Variants in ZPLD1 observed in about 807,000 individuals in gnomAD.
The protein encoded by ZPLD1 is zona pellucida like domain containing 1.
In ZPLD1, 34 loss-of-function variants were observed where a neutral mutation model predicts 47.2. The observed-to-expected ratio is 0.72, with a 90% CI of 0.55 to 0.96. The LOEUF (loss-of-function observed/expected upper bound fraction) is 0.96, where lower values mean the gene tolerates loss of function less well. Ranked by LOEUF, ZPLD1 falls within the 40% of genes least tolerant of loss-of-function variation. The probability of loss-of-function intolerance (pLI) is 0.00; values close to 1 mark genes in which losing one functional copy is unlikely to be tolerated. For synonymous variants in ZPLD1, 176 were observed against 186.2 expected (o/e 0.95, Z 0.45); for missense variants, 512 against 505.8 (o/e 1.01, Z -0.12).
At chr3:102,470,316 G>T (rs751924861) in intron 9 of ZPLD1, 78 bp from the exon 10 acceptor site, 68 of 1,082,180 alleles carry the variant, frequency 6.3e-5, no homozygotes, top group Non-Finnish European at 5.9e-5. Flanking sequence ...TCTTCCAAAA[G>T]AATCTGCTTT....
At chr3:102,409,518 A>G (rs1706727284) in intron 7 of ZPLD1, among the ~76,000 whole-genome samples, 1 of 151,850 alleles carries the variant, frequency 6.6e-6, no homozygotes, top group Non-Finnish European at 1.5e-5. Context: ...ACAAAATAAA[A>G]TTATGTTAAA....
rs142263465 is a variant in ZPLD1 at position 102,413,291 on chromosome 3, T to C, written c.-156-4769T>C. Among the ~76,000 whole-genome samples the C allele has an allele frequency of 2.7e-3, 405 of 151,980 alleles. 2 individuals carry two copies. The highest frequency in any genetic ancestry group is 9.3e-3 in the African/African-American group (388 of 41,526). On this transcript the variant is annotated intron_variant, in intron 7 of 17. Coordinates refer to the ZPLD1 transcript ENST00000491959. Reference sequence around the variant, plus strand: ...TTTGTTTCTGGGAGTGGGTTCACAGTGCAGGCAATGATCTTAAGATGGTCA... The same window carrying C: ...TTTGTTTCTGGGAGTGGGTTCACAGCGCAGGCAATGATCTTAAGATGGTCA...
At chr3:102,454,897 T>C (rs994322782) in intron 4 of ZPLD1, among the ~76,000 whole-genome samples, 2 of 152,242 alleles carry the variant, frequency 1.3e-5, no homozygotes, top group Admixed American at 6.5e-5. Flanking sequence ...ATGTATGTAT[T>C]TTATTTTCAT....
intron 7 of ZPLD1, among the ~76,000 whole-genome samples, chr3:102,409,153 G>A (rs1706723637): frequency 6.6e-6 from 1 of 151,826 alleles, no homozygotes; most frequent in Admixed American, 6.6e-5. Flanking sequence ...AGGCCTTCTG[G>A]CTGCATCATA....
intron 6 of ZPLD1, among the ~76,000 whole-genome samples, chr3:102,391,506 G>A (rs77029966): frequency 0.012 from 1,844 of 152,114 alleles, 38 homozygotes; most frequent in African/African-American, 0.042. Context: ...AAGTGATACA[G>A]TTTCTGCTTG....
At chr3:102,477,231 A>G (rs1015772613) in intron 11 of ZPLD1, among the ~76,000 whole-genome samples, 190 bp downstream of exon 11, 11 of 151,890 alleles carry the variant, frequency 7.2e-5, no homozygotes, top group African/African-American at 2.4e-4. Flanking sequence ...GCTTTTTGGT[A>G]TTTTTGATTT....
intron 7 of ZPLD1, among the ~76,000 whole-genome samples, chr3:102,410,336 A>G (rs1375252130): frequency 6.6e-6 from 1 of 151,742 alleles, no homozygotes; most frequent in Non-Finnish European, 1.5e-5. Context: ...TGGGGCAAAC[A>G]CATGCATTAC....
rs148581820 is a variant in ZPLD1, at chr3:102,437,371, A to G, written c.-9+398A>G. On this transcript the variant is annotated intron_variant, in intron 2 of 11. Transcript: ENST00000466937. ...TTCACTGTAAACTTGTTATTCTGAA[A>G]TGATGATTCAAAAGCAAGATGTGTT... Among the ~76,000 whole-genome samples the G allele has an allele frequency of 2.1e-3, 327 of 152,344 alleles. 1 individual carries two copies. Among genetic ancestry groups the G allele is most frequent in the African/African-American group, 7.3e-3 (305 of 41,574 alleles).
chr3:102,471,531 A>G (rs1559762446), intron 10 of ZPLD1, among the ~76,000 whole-genome samples: 1 of 152,178 alleles, frequency 6.6e-6, no homozygotes, highest in Non-Finnish European at 1.5e-5. Flanking sequence ...CATGTATACA[A>G]ATATATGTGC....
At position 102,462,299 on chromosome 3, in the gene ZPLD1, C is replaced by A. The variant is rs1204544679; in HGVS notation, c.601C>A (p.Gln201Lys). The A allele has an allele frequency of 1.9e-5, 31 of 1,609,480 alleles. No individual in the cohort carries two copies. Among genetic ancestry groups the A allele is most frequent in the Non-Finnish European group, 2.4e-5 (28 of 1,177,442 alleles). Residue 201 changes from glutamine (Q) to lysine (K), a missense_variant, in exon 7 of 12, where the codon CAG becomes AAG. Gln to Lys is a moderately conservative substitution (Grantham distance 53). Transcript: ENST00000466937. The stretch of plus-strand genomic sequence containing the variant: ...TCATTAGGATTCAACCTACAACCAG[C>A]AGTTAATTATCCCCAGTATAGGATT... ...LLYNDSTYNQ[Q>K]LIIPSIGLPL...
chr3:102,399,376 A>G (rs1706594173), intron 7 of ZPLD1, among the ~76,000 whole-genome samples: 1 of 151,808 alleles, frequency 6.6e-6, no homozygotes, highest in African/African-American at 2.4e-5. Flanking sequence ...TATCCACCTC[A>G]CTTCAGTCAT....
upstream of ZPLD1, among the ~76,000 whole-genome samples, chr3:102,433,586 G>T (rs933618002): frequency 2.0e-5 from 3 of 152,210 alleles, no homozygotes; most frequent in African/African-American, 7.2e-5. Flanking sequence ...GGAGTGCAGT[G>T]GCGTGATCTC....
At chr3:102,464,277 T>C (rs1576163969) in intron 8 of ZPLD1, 26 bp downstream of exon 8, 3 of 1,479,028 alleles carry the variant, frequency 2.0e-6, no homozygotes, top group South Asian at 2.3e-5. Flanking sequence ...CTAAGTATTA[T>C]ATTGATACCA....
intron 3 of ZPLD1, among the ~76,000 whole-genome samples, chr3:102,439,899 C>G (rs1559751962): frequency 1.3e-5 from 2 of 152,226 alleles, no homozygotes; most frequent in South Asian, 4.1e-4. Flanking sequence ...TCTTTTATTT[C>G]ATTTTGTTTT....
chr3:102,453,665 T>C (rs1470398139), intron 4 of ZPLD1, among the ~76,000 whole-genome samples: 6 of 152,242 alleles, frequency 3.9e-5, no homozygotes, highest in Non-Finnish European at 5.9e-5. Context: ...CTTAAATGTG[T>C]GGGATTGTCC....
chr3:102,394,500 T>C (rs1209638888), intron 7 of ZPLD1, among the ~76,000 whole-genome samples: 1 of 152,054 alleles, frequency 6.6e-6, no homozygotes, highest in African/African-American at 2.4e-5. Flanking sequence ...TTCATTGACA[T>C]AGATTTTCTT....
chr3:102,458,096 A>G (rs1440457488), intron 6 of ZPLD1, among the ~76,000 whole-genome samples: 2 of 152,198 alleles, frequency 1.3e-5, no homozygotes, highest in African/African-American at 4.8e-5. Flanking sequence ...GATTTTAAAT[A>G]ATTACTTCAA....
At chr3:102,394,504 T>C (rs889088102) in intron 7 of ZPLD1, among the ~76,000 whole-genome samples, 1 of 152,006 alleles carries the variant, frequency 6.6e-6, no homozygotes, top group Non-Finnish European at 1.5e-5. Flanking sequence ...TTGACATAGA[T>C]TTTCTTTTTT....
At position 102,401,273 on chromosome 3, in the gene ZPLD1, A is replaced by G. The variant is rs1311670602; in HGVS notation, c.-157+9048A>G. ...TATATGTATGTGTGTGTTTATGTGC[A>G]TTGTGTGCATCTCAAAAGACTGCTA... On this transcript the variant is annotated intron_variant, in intron 7 of 17. Transcript: ENST00000491959. Among the ~76,000 whole-genome samples the G allele has an allele frequency of 2.6e-5, 4 of 152,216 alleles. No individual in the cohort carries two copies. The East Asian group carries it at 7.8e-4, about 30-fold the overall frequency.
Sources: allele counts gnomAD v4.1 joint callset (sites outside exome capture counted in the v4.1 genomes callset), GRCh38; gene constraint gnomAD v4.1.1; transcripts MANE v1.5; gene names NCBI Gene and HGNC (gene_info 2026-07-23, HGNC 2026-07-21).